The following CASP5 variants were observed in gnomAD, a reference collection of about 807,000 sequenced individuals.
CASP5 encodes the protein caspase 5.
Under a neutral mutation model 45.2 loss-of-function variants are expected in CASP5, and 42 were observed. The ratio of observed to expected loss-of-function variants is 0.93; its 90% confidence interval spans 0.73 to 1.20. The LOEUF (loss-of-function observed/expected upper bound fraction) is 1.20, where lower values mean the gene tolerates loss of function less well. Among genes scored for constraint, CASP5 ranks in the 50% most tolerant of loss-of-function variants. The pLI is 0.00. For synonymous variants in CASP5, 209 were observed against 186.2 expected (o/e 1.12, Z -1.00); for missense variants, 512 against 532.2 (o/e 0.96, Z 0.37).
At chr11:105,002,261 G>A in intron 4 of CASP5, 60 bp from the exon 5 acceptor site, 2 of 1,527,954 alleles carry the variant, frequency 1.3e-6, no homozygotes, top group South Asian at 2.3e-5. Flanking sequence ...ACCCCCATAT[G>A]CCTCACAATT....
At chr11:104,995,890 G>T in intron 8 of CASP5, 48 bp from the exon 9 acceptor site, 1 of 1,184,102 alleles carries the variant, frequency 8.4e-7, no homozygotes, top group Non-Finnish European at 1.3e-6. Flanking sequence ...TGGGTTCTCA[G>T]AATGCATCTT....
intron 7 of CASP5, 48 bp downstream of exon 7, chr11:104,998,837 G>A (rs762012642): frequency 1.9e-5 from 30 of 1,583,898 alleles, no homozygotes; most frequent in African/African-American, 2.7e-5. Flanking sequence ...TCATTCAAAG[G>A]TGGCCTCAGC....
intron 1 of CASP5, among the ~76,000 whole-genome samples, chr11:105,015,577 C>T (rs993646974): frequency 1.3e-5 from 2 of 151,842 alleles, no homozygotes; most frequent in African/African-American, 4.8e-5. Flanking sequence ...AATTATTAAC[C>T]CACTTAACTT....
At position 105,000,451 on chromosome 11, in the gene CASP5, G is replaced by A; in HGVS notation, c.762C>T (p.His254=). The A allele has an allele frequency of 1.2e-6, 2 of 1,614,146 alleles. No individual in the cohort carries two copies. Among genetic ancestry groups the A allele is most frequent in the Non-Finnish European group, 1.7e-6 (2 of 1,180,016 alleles). ...VLRAFAARPE[H]KSSDSTFLVL... The stretch of plus-strand genomic sequence containing the variant: ...CCAAGAACGTGCTGTCAGAGGACTT[G>A]TGCTCTGGTCTGGCAGCAAATGCCC... Residue 254 remains histidine (H), a synonymous_variant, in exon 6 of 10, where the codon CAC becomes CAT. Coordinates refer to ENST00000260315, the MANE Select transcript of CASP5 (RefSeq NM_004347.5).
intron 1 of CASP5, among the ~76,000 whole-genome samples, chr11:105,016,738 C>T (rs1045607334): frequency 1.3e-5 from 2 of 152,056 alleles, no homozygotes; most frequent in African/African-American, 4.8e-5. Flanking sequence ...GAGGGGCGCC[C>T]ACCATTGCCC....
chr11:105,021,759 A>T (rs34596736), intron 1 of CASP5, among the ~76,000 whole-genome samples: 13,872 of 137,166 alleles, frequency 0.1, 916 homozygotes, highest in Admixed American at 0.17. Flanking sequence ...TGGCGATTCC[A>T]CAGGGATCTA....
chr11:105,009,346 T>C (rs1415384189), intron 1 of CASP5, among the ~76,000 whole-genome samples: 1 of 151,894 alleles, frequency 6.6e-6, no homozygotes, highest in African/African-American at 2.4e-5. Flanking sequence ...TTCTCTTGTC[T>C]AGACTGTAAA....
intron 1 of CASP5, among the ~76,000 whole-genome samples, chr11:105,010,205 A>C (rs1862271792): frequency 6.6e-6 from 1 of 151,202 alleles, no homozygotes; most frequent in East Asian, 1.9e-4. Flanking sequence ...ATAATGAACC[A>C]ACCATTATTA....
At chr11:105,014,293 G>A (rs1480615585) in intron 1 of CASP5, among the ~76,000 whole-genome samples, 2 of 127,938 alleles carry the variant, frequency 1.6e-5, no homozygotes, top group Non-Finnish European at 3.6e-5. Context: ...AAGACCAGAT[G>A]GCATTTTTTT....
At chr11:105,010,794 T>G (rs1305150122) in intron 1 of CASP5, among the ~76,000 whole-genome samples, 1 of 151,700 alleles carries the variant, frequency 6.6e-6, no homozygotes, top group African/African-American at 2.4e-5. Flanking sequence ...TACTGAAATT[T>G]CACAAAAACT....
At chr11:105,018,774 G>GACA (rs1862776040) in intron 1 of CASP5, among the ~76,000 whole-genome samples, 1 of 141,084 alleles carries the variant, frequency 7.1e-6, no homozygotes, top group African/African-American at 2.6e-5. Context: ...AGGATACCCA[G>GACA]GAATTGAACT....
At chr11:105,009,840 CACATATATATACACATATATAT>C (rs1358037948) in intron 1 of CASP5, among the ~76,000 whole-genome samples, 3 of 130,028 alleles carry the variant, frequency 2.3e-5, no homozygotes, top group South Asian at 2.3e-4. Flanking sequence ...TATATATATA[CACATATATATACACATATATAT>C]ACATATATAT....
chr11:105,017,969 T>G (rs542099111), intron 1 of CASP5, among the ~76,000 whole-genome samples: 1 of 152,020 alleles, frequency 6.6e-6, no homozygotes, highest in Non-Finnish European at 1.5e-5. Flanking sequence ...CGGCAGAAAC[T>G]CTACAAGCCA....
chr11:105,019,525 C>T (rs1235225335), intron 1 of CASP5, among the ~76,000 whole-genome samples: 1 of 151,272 alleles, frequency 6.6e-6, no homozygotes, highest in Non-Finnish European at 1.5e-5. Flanking sequence ...ATACTACAAA[C>T]ACCTCTACGC....
intron 1 of CASP5, among the ~76,000 whole-genome samples, chr11:105,011,279 G>A (rs10895756): frequency 0.39 from 59,228 of 151,478 alleles, 12,731 homozygotes; most frequent in African/African-American, 0.59. Context: ...GTGGAGACAT[G>A]TGAAAAGCAA....
At chr11:105,022,518 A>G (rs1863023610) in intron 1 of CASP5, among the ~76,000 whole-genome samples, 1 of 152,088 alleles carries the variant, frequency 6.6e-6, no homozygotes, top group East Asian at 1.9e-4. Context: ...TGTGTATAAG[A>G]CAGTTGGCCT....
At chr11:104,996,913 C>T (rs1271257836) in intron 8 of CASP5, among the ~76,000 whole-genome samples, 1 of 152,026 alleles carries the variant, frequency 6.6e-6, no homozygotes, top group African/African-American at 2.4e-5. Flanking sequence ...CTGTTACATG[C>T]CTTTATGAAT....
chr11:105,008,605 C>G (rs529507354), intron 2 of CASP5, among the ~76,000 whole-genome samples: 1 of 152,118 alleles, frequency 6.6e-6, no homozygotes, highest in African/African-American at 2.4e-5. Context: ...AACCCAAGGA[C>G]TCAGCCTTTT....
intron 1 of CASP5, among the ~76,000 whole-genome samples, chr11:105,016,355 C>T (rs995577584): frequency 5.3e-5 from 8 of 152,132 alleles, no homozygotes; most frequent in African/African-American, 9.7e-5. Flanking sequence ...CCAGCGTGAG[C>T]GAGCAGAAGA....
Sources: allele counts gnomAD v4.1 joint callset (sites outside exome capture counted in the v4.1 genomes callset), GRCh38; gene constraint gnomAD v4.1.1; transcripts MANE v1.5; gene names NCBI Gene and HGNC (gene_info 2026-07-23, HGNC 2026-07-21).